Variants in ADARB2 observed in about 807,000 individuals in gnomAD.
ADARB2 encodes inactive double-stranded RNA-specific editase B2.
In ADARB2, 25 loss-of-function variants were observed where a neutral mutation model predicts 62.2. That is an observed-to-expected ratio of 0.40 (90% CI 0.29 to 0.56). ADARB2 has a LOEUF of 0.56. ADARB2 is among the 20% of genes least tolerant of loss of function. ADARB2 has a pLI of 0.43. For synonymous variants in ADARB2, 572 were observed against 500.8 expected (o/e 1.14, Z -1.90); for missense variants, 1,071 against 1,077.4 (o/e 0.99, Z 0.08).
At chr10:1,274,342 A>G (rs924379512) in intron 3 of ADARB2, among the ~76,000 whole-genome samples, 33 of 152,344 alleles carry the variant, frequency 2.2e-4, no homozygotes, top group South Asian at 4.1e-4. Context: ...ATGGGTGTTA[A>G]TGTTGATTCA....
At chr10:1,578,552 G>T (rs1833051675) in intron 1 of ADARB2, among the ~76,000 whole-genome samples, 1 of 152,128 alleles carries the variant, frequency 6.6e-6, no homozygotes, top group African/African-American at 2.4e-5. Flanking sequence ...GGCCCTTGGC[G>T]TGGGTCTGGA....
At chr10:1,353,251 C>A (rs1212423615) in intron 3 of ADARB2, among the ~76,000 whole-genome samples, 4 of 152,140 alleles carry the variant, frequency 2.6e-5, no homozygotes, top group Non-Finnish European at 5.9e-5. Context: ...TATTCTTTCC[C>A]ATTCTTAGGG....
chr10:1,468,647 T>C (rs1831286007), intron 1 of ADARB2, among the ~76,000 whole-genome samples: 1 of 152,208 alleles, frequency 6.6e-6, no homozygotes, highest in Non-Finnish European at 1.5e-5. Context: ...CAGTCGGGGC[T>C]GGGGGCTCCC....
chr10:1,597,952 G>T (rs1833355778), intron 1 of ADARB2, among the ~76,000 whole-genome samples: 2 of 152,188 alleles, frequency 1.3e-5, no homozygotes, highest in Admixed American at 6.5e-5. Context: ...GAAAAAGAAA[G>T]AAGTCATATC....
intron 1 of ADARB2, among the ~76,000 whole-genome samples, chr10:1,553,629 T>C (rs1050051576): frequency 6.6e-6 from 1 of 152,218 alleles, no homozygotes; most frequent in Admixed American, 6.5e-5. Flanking sequence ...TCCCGGCTTC[T>C]TCTCTGTTTG....
chr10:1,313,536 A>C (rs1202507651), intron 3 of ADARB2, among the ~76,000 whole-genome samples: 1 of 152,166 alleles, frequency 6.6e-6, no homozygotes, highest in Non-Finnish European at 1.5e-5. Flanking sequence ...GTCCCTGCTC[A>C]CAGAAAGCAC....
chr10:1,536,983 G>C (rs1832340830), intron 1 of ADARB2, among the ~76,000 whole-genome samples: 1 of 152,182 alleles, frequency 6.6e-6, no homozygotes, highest in African/African-American at 2.4e-5. Context: ...AAACTAAAGA[G>C]CTTCTGCACA....
chr10:1,718,832 C>T (rs1447021729), intron 1 of ADARB2, among the ~76,000 whole-genome samples: 1 of 152,196 alleles, frequency 6.6e-6, no homozygotes, highest in Non-Finnish European at 1.5e-5. Context: ...CCCTGAGCCT[C>T]TCGGCAAGAT....
chr10:1,356,973 C>T (rs776237794), intron 3 of ADARB2, among the ~76,000 whole-genome samples: 11 of 152,214 alleles, frequency 7.2e-5, no homozygotes, highest in Non-Finnish European at 1.2e-4. Context: ...TTCGTTTTAA[C>T]CCCGGATTCC....
chr10:1,277,905 C>T (rs1056685088), intron 3 of ADARB2, among the ~76,000 whole-genome samples: 3 of 152,108 alleles, frequency 2.0e-5, no homozygotes, highest in Admixed American at 6.5e-5. Flanking sequence ...GCTTATCCAC[C>T]GTGATCAAGT....
At chr10:1,576,161 AG>A (rs1833018116) in intron 1 of ADARB2, among the ~76,000 whole-genome samples, 2 of 6,376 alleles carry the variant, frequency 3.1e-4, no homozygotes, top group South Asian at 6.8e-3. Flanking sequence ...CGGTCACAGG[AG>A]GGGGGTTCAG....
Position 1,198,617 on chromosome 10 carries a change from G to A in ADARB2, c.1864+1349C>T, listed in dbSNP as rs150705904. 1.8e-3 allele frequency among the ~76,000 whole-genome samples: 281 copies of A among 152,376 alleles called. 1 individual carries two copies. The highest frequency in any genetic ancestry group is 0.01 in the Middle Eastern group (3 of 294). ...AATATTTAGTCAGGCTGCACCGGCC[G>A]TGGTGTGGCAGGTGCCACCTGGGAT... On this transcript the variant is annotated intron_variant, in intron 8 of 9. Coordinates refer to ENST00000381312, the MANE Select transcript of ADARB2 (RefSeq NM_018702.4).
At chr10:1,549,672 C>T (rs1050628943) in intron 1 of ADARB2, among the ~76,000 whole-genome samples, 1 of 152,154 alleles carries the variant, frequency 6.6e-6, no homozygotes, top group African/African-American at 2.4e-5. Flanking sequence ...TCTTCCTCCT[C>T]ATTGTCACAG....
rs1429123503 is a variant in ADARB2, at chr10:1,376,510, C to CTTAT, written c.187+2560_187+2563dup. On this transcript the variant is annotated intron_variant, in intron 2 of 9. Transcript: ENST00000381312. ...CTCCTCACTGCCCAGTGTGGGGGTT[C>CTTAT]TTATGGGAGGGCAGGGGGAAGGAGA... 3.3e-5 allele frequency among the ~76,000 whole-genome samples: 5 copies of CTTAT among 152,276 alleles called. No homozygotes were observed. In the East Asian group the frequency reaches 9.7e-4, roughly 29 times the overall value.
intron 1 of ADARB2, among the ~76,000 whole-genome samples, chr10:1,608,332 G>A (rs1322305991): frequency 6.6e-6 from 1 of 152,158 alleles, no homozygotes; most frequent in Non-Finnish European, 1.5e-5. Context: ...CTGTGCTGCT[G>A]CTGAGATGTT....
intron 4 of ADARB2, among the ~76,000 whole-genome samples, chr10:1,258,115 T>C (rs1275647075): frequency 6.6e-6 from 1 of 152,128 alleles, no homozygotes. Flanking sequence ...TTCCTAGCTC[T>C]CTCTTTTTCT....
At chr10:1,207,486 G>T (rs139085404) in intron 7 of ADARB2, among the ~76,000 whole-genome samples, 108 of 152,324 alleles carry the variant, frequency 7.1e-4, no homozygotes, top group Middle Eastern at 3.4e-3. Context: ...TCACTCATTT[G>T]ACCTCAGTGG....
rs981068625 is a variant in ADARB2, at chr10:1,179,661, G to A, written c.*3532C>T. The A allele has an allele frequency of 3.9e-5, 6 of 152,248 alleles. No individual in the cohort carries two copies. The highest frequency in any genetic ancestry group is 1.4e-4 in the African/African-American group (6 of 41,460). The allele number at this position is 152,248 out of a possible 1,614,324, so 9.4% of individuals were successfully genotyped here. A position where few individuals can be genotyped will look rare whatever the true frequency, so the allele number is the denominator to read the frequency against. On this transcript the variant is annotated 3_prime_UTR_variant, in exon 10 of 10. Coordinates refer to ENST00000381312, the MANE Select transcript of ADARB2 (RefSeq NM_018702.4). ...TGATGGGAAAGCAGTGTGTGTTTTG[G>A]AGGCAGATAAAGGTGGTGCTGGTTT...
Position 1,451,241 on chromosome 10 carries a change from T to C in ADARB2, c.101-72081A>G, listed in dbSNP as rs142953669. 1.7e-3 allele frequency among the ~76,000 whole-genome samples: 254 copies of C among 152,340 alleles called. 1 individual carries two copies. The highest frequency in any genetic ancestry group is 5.9e-3 in the African/African-American group (244 of 41,584). On this transcript the variant is annotated intron_variant, in intron 1 of 9. Coordinates refer to ENST00000381312, the MANE Select transcript of ADARB2 (RefSeq NM_018702.4). ...ACACTATGAAATGGTGAACCAGCGA[T>C]ACAGGTGAAAGTGCCCTCCCAGTAT... is the stretch of plus-strand genomic sequence containing the variant.
Sources: gnomAD v4.1 joint callset for allele counts (sites outside exome capture counted in the v4.1 genomes callset) on GRCh38, gnomAD v4.1.1 for gene constraint, MANE v1.5 for transcripts, NCBI Gene and HGNC (gene_info 2026-07-23, HGNC 2026-07-21) for gene names.